The following PDPN variants were observed in gnomAD, a reference collection of about 807,000 sequenced individuals.
PDPN encodes the protein PA2.26 antigen.
Under a neutral mutation model 23.2 loss-of-function variants are expected in PDPN, and 12 were observed. The ratio of observed to expected loss-of-function variants is 0.52; its 90% CI spans 0.33 to 0.84. PDPN has a LOEUF of 0.84. Ranked by LOEUF, PDPN falls within the 40% of genes least tolerant of loss-of-function variation. PDPN has a pLI of 0.02. For synonymous variants in PDPN, 77 were observed against 76.7 expected, an observed-to-expected ratio of 1.00 and a Z score of -0.02; for missense variants, 199 against 212.2, an observed-to-expected ratio of 0.94 and a Z score of 0.39.
At chr1:13,599,168 G>T (rs1024093604) in intron 1 of PDPN, among the ~76,000 whole-genome samples, 1 of 151,382 alleles carries the variant, frequency 6.6e-6, no homozygotes, top group African/African-American at 2.4e-5. Flanking sequence ...GCACCACCAC[G>T]CCTGGCTAAT....
intron 1 of PDPN, among the ~76,000 whole-genome samples, chr1:13,599,039 T>G (rs1201814939): frequency 4.4e-5 from 6 of 135,294 alleles, no homozygotes; most frequent in Admixed American, 1.5e-4. Flanking sequence ...GGAGATGGAG[T>G]CTCGCTCTGT....
chr1:13,588,005 T>G (rs1168413132), intron 1 of PDPN, among the ~76,000 whole-genome samples: 1 of 152,144 alleles, frequency 6.6e-6, no homozygotes, highest in Non-Finnish European at 1.5e-5. Flanking sequence ...ATTTGTCCTT[T>G]GAAGTGAATC....
rs765242042 is a variant in PDPN, at chr1:13,613,699, G to A, written c.344G>A (p.Gly115Glu). ...ATSHSTEKVD[G>E]DTQTTVEKDG... ...TTTCTATTCACAGAGAAAGTGGATG[G>A]AGACACACAGACAACAGTTGAGAAA... Residue 115 changes from glycine to glutamate, a missense_variant, in exon 4 of 6, where the codon GGA becomes GAA. Transcript: ENST00000621990. 6 of 1,469,154 alleles carry A rather than the reference G, an allele frequency of 4.1e-6. No homozygotes were observed. Among genetic ancestry groups the A allele is most frequent in the Non-Finnish European group, 3.8e-6 (4 of 1,048,710 alleles). The allele number at this position is 1,469,154 out of a possible 1,614,324, so 91.0% of individuals were successfully genotyped here. A position where few individuals can be genotyped will look rare whatever the true frequency, so the allele number is the denominator to read the frequency against.
chr1:13,607,350 A>G, intron 2 of PDPN, 44 bp downstream of exon 2: 9 of 1,550,464 alleles, frequency 5.8e-6, no homozygotes, highest in Non-Finnish European at 8.0e-6. Flanking sequence ...TAGGCATGTG[A>G]TCACATGCAA....
At chr1:13,584,858 G>A (rs1433048485) in intron 1 of PDPN, among the ~76,000 whole-genome samples, 1 of 152,150 alleles carries the variant, frequency 6.6e-6, no homozygotes, top group Admixed American at 6.6e-5. Context: ...CCCATGTTGG[G>A]GTGGGGGCGT....
At chr1:13,608,347 G>A (rs1203060747) in intron 2 of PDPN, among the ~76,000 whole-genome samples, 3 of 152,158 alleles carry the variant, frequency 2.0e-5, no homozygotes, top group Non-Finnish European at 4.4e-5. Flanking sequence ...CCACATCCTC[G>A]ACCTTTGAGG....
chr1:13,612,144 C>T (rs906737273), intron 3 of PDPN, among the ~76,000 whole-genome samples: 6 of 152,074 alleles, frequency 3.9e-5, no homozygotes, highest in Non-Finnish European at 8.8e-5. Context: ...TGACTGAGTG[C>T]ACATTCCTAC....
At chr1:13,587,001 AG>A (rs1358845004) in intron 1 of PDPN, among the ~76,000 whole-genome samples, 77 of 152,328 alleles carry the variant, frequency 5.1e-4, no homozygotes, top group African/African-American at 1.7e-3. Flanking sequence ...CAGTGAACCA[AG>A]ATCACACCAC....
chr1:13,587,765 G>A (rs893013781), intron 1 of PDPN, among the ~76,000 whole-genome samples: 2 of 152,158 alleles, frequency 1.3e-5, no homozygotes, highest in African/African-American at 4.8e-5. Context: ...GGGGCTGTGA[G>A]CTAGAGCCCC....
chr1:13,614,860 C>G (rs764763642), intron 5 of PDPN: 40 of 508,770 alleles, frequency 7.9e-5, no homozygotes, highest in Non-Finnish European at 1.1e-4. Context: ...CAAATGTCTA[C>G]TTAGACCTTA....
At chr1:13,600,712 T>G (rs1222106236) in intron 1 of PDPN, among the ~76,000 whole-genome samples, 1 of 152,108 alleles carries the variant, frequency 6.6e-6, no homozygotes, top group Non-Finnish European at 1.5e-5. Context: ...ATTCTGACAC[T>G]TGTTGAAATT....
upstream of PDPN, chr1:13,583,830 T>C: frequency 6.4e-7 from 1 of 1,565,042 alleles, no homozygotes; most frequent in Non-Finnish European, 8.6e-7. Flanking sequence ...CGGAAAGTTC[T>C]CAACTGCAAA....
In PDPN at chr1:13,617,811, C is replaced by G. The variant is rs901170521; in HGVS notation, c.*1900C>G. 1 of 151,672 alleles carries G rather than the reference C, an allele frequency of 6.6e-6. No individual in the cohort carries two copies. Among genetic ancestry groups the G allele is most frequent in the Non-Finnish European group, 1.5e-5 (1 of 68,022 alleles). The allele number at this position is 151,672 out of a possible 1,614,324, so 9.4% of individuals were successfully genotyped here. A position where few individuals can be genotyped will look rare whatever the true frequency, so the allele number is the denominator to read the frequency against. On this transcript the variant is annotated 3_prime_UTR_variant, in exon 6 of 6. Transcript: ENST00000621990. ...TTTCTTTCCTATCCTTTCTTCCCCC[C>G]TCACTGTGAAAAATAACAGTCCACC...
At chr1:13,610,857 G>A (rs1190063668) in intron 3 of PDPN, among the ~76,000 whole-genome samples, 1 of 152,232 alleles carries the variant, frequency 6.6e-6, no homozygotes. Context: ...GCCATCCTCT[G>A]TAAATCTTAA....
At chr1:13,589,818 T>TATTC (rs1553143691) in intron 1 of PDPN, among the ~76,000 whole-genome samples, 12 of 133,382 alleles carry the variant, frequency 9.0e-5, no homozygotes, top group African/African-American at 3.6e-4. Context: ...AAACCACTTG[T>TATTC]ATTGATTGAT....
At position 13,614,392 on chromosome 1, in the gene PDPN, A is replaced by C; in HGVS notation, c.463A>C (p.Lys155Gln). 6.3e-7 allele frequency: 1 copy of C among 1,586,498 alleles called. No homozygotes were observed. Among genetic ancestry groups the C allele is most frequent in the Non-Finnish European group, 8.7e-7 (1 of 1,154,810 alleles). Residue 155 changes from lysine to glutamine, a missense_variant, in exon 5 of 6, where the codon AAA becomes CAA. Physicochemically the swap from Lys to Gln is moderately conservative, Grantham distance 53 (BLOSUM62 1). Coordinates refer to ENST00000621990, the MANE Select transcript of PDPN (RefSeq NM_006474.5). Reference sequence around the variant, plus strand: ...TGCAATCATCGTTGTGGTTATGCGAAAAATGTCGGGAAGGTACTCGTAAGT... The same window carrying C: ...TGCAATCATCGTTGTGGTTATGCGACAAATGTCGGGAAGGTACTCGTAAGT... ...IGAIIVVVMRKMSGRYSP is the reference protein window; with the variant it reads ...IGAIIVVVMRQMSGRYSP
chr1:13,614,527 G>A, intron 5 of PDPN, 116 bp downstream of exon 5: 2 of 680,150 alleles, frequency 2.9e-6, no homozygotes, highest in Non-Finnish European at 5.3e-6. Flanking sequence ...GCTCGTGCCT[G>A]TAGTCTCAGC....
At chr1:13,602,290 T>C (rs1034714817) in intron 1 of PDPN, among the ~76,000 whole-genome samples, 2 of 151,876 alleles carry the variant, frequency 1.3e-5, no homozygotes, top group Non-Finnish European at 2.9e-5. Flanking sequence ...ATCGTGCCAC[T>C]GTACTCCAGC....
intron 1 of PDPN, among the ~76,000 whole-genome samples, chr1:13,591,705 A>T (rs901406098): frequency 1.1e-4 from 16 of 152,146 alleles, no homozygotes; most frequent in South Asian, 8.3e-4. Flanking sequence ...TTTAAAAAAA[A>T]TTTTTTAGAG....
Sources: gnomAD v4.1 joint callset for allele counts (sites outside exome capture counted in the v4.1 genomes callset) on GRCh38, gnomAD v4.1.1 for gene constraint, MANE v1.5 for transcripts, NCBI Gene and HGNC (gene_info 2026-07-23, HGNC 2026-07-21) for gene names.